CA10: variants seen among roughly 807,000 people sequenced by gnomAD.
CA10 encodes carbonic anhydrase 10 (inactive).
In CA10, 14 loss-of-function variants were observed where a neutral mutation model predicts 44.2. That is an observed-to-expected ratio of 0.32 (90% confidence interval 0.21 to 0.50). CA10 has a LOEUF of 0.50. Ranked by LOEUF, CA10 falls within the 20% of genes least tolerant of loss-of-function variation. The pLI, the probability that CA10 is intolerant of heterozygous loss-of-function variation, is 0.99. For missense variants in CA10, 350 were observed against 409.7 expected (o/e 0.85, Z 1.26); for synonymous variants, 159 against 141.6 (o/e 1.12, Z -0.87).
chr17:52,008,607 A>C (rs1985681928), intron 2 of CA10, among the ~76,000 whole-genome samples: 1 of 151,894 alleles, frequency 6.6e-6, no homozygotes, highest in Non-Finnish European at 1.5e-5. Flanking sequence ...TCATCTTGAC[A>C]ACTTACATAT....
chr17:52,011,146 TG>T (rs1335262788), intron 2 of CA10, among the ~76,000 whole-genome samples: 1 of 152,020 alleles, frequency 6.6e-6, no homozygotes, highest in African/African-American at 2.4e-5. Flanking sequence ...TTAAGAATAC[TG>T]AAATGTATGT....
chr17:51,902,943 C>G (rs1981382658), intron 3 of CA10, among the ~76,000 whole-genome samples: 1 of 152,154 alleles, frequency 6.6e-6, no homozygotes, highest in Non-Finnish European at 1.5e-5. Flanking sequence ...TGTCGTGGCT[C>G]TCAGAAGAGG....
At chr17:51,783,379 T>A (rs1450556146) in intron 3 of CA10, among the ~76,000 whole-genome samples, 1 of 152,120 alleles carries the variant, frequency 6.6e-6, no homozygotes, top group African/African-American at 2.4e-5. Context: ...AATGGCTAAA[T>A]AAAAACTCAG....
intron 3 of CA10, among the ~76,000 whole-genome samples, chr17:51,858,084 G>A (rs1328029955): frequency 1.3e-5 from 2 of 151,964 alleles, no homozygotes. Context: ...GAAACGGAAA[G>A]GAGAGAAATG....
chr17:52,019,141 T>G (rs961103367), intron 2 of CA10, among the ~76,000 whole-genome samples: 3 of 152,076 alleles, frequency 2.0e-5, no homozygotes, highest in Non-Finnish European at 2.9e-5. Context: ...CCTCTTTTCT[T>G]TATAAATTAC....
In CA10 at chr17:51,717,551, AT is replaced by A. The variant is rs1567815058; in HGVS notation, c.465+30081del. On this transcript the variant is annotated intron_variant, in intron 4 of 8. Transcript: ENST00000451037. The stretch of plus-strand genomic sequence containing the variant: ...CTGGTATATATATATATATATATAT[AT>A]ATATATATAATATTACATAAATATA... Among the ~76,000 whole-genome samples, 4 of 137,226 alleles carry A rather than the reference AT, an allele frequency of 2.9e-5. 1 individual carries two copies. Among genetic ancestry groups the A allele is most frequent in the Non-Finnish European group, 6.3e-5 (4 of 63,706 alleles). 90.0% of individuals were successfully genotyped at this position (137,226 alleles called of 152,430 possible).
intron 4 of CA10, among the ~76,000 whole-genome samples, chr17:51,699,496 T>C (rs1444719514): frequency 6.6e-6 from 1 of 152,106 alleles, no homozygotes; most frequent in Non-Finnish European, 1.5e-5. Context: ...TTCCTGCAAA[T>C]GCTTGTCTGC....
rs764825701 is a variant in CA10 at position 52,059,594 on chromosome 17, CCCA to C, written c.136+12722_136+12724del. Among the ~76,000 whole-genome samples, 11 of 152,026 alleles carry C rather than the reference CCCA, an allele frequency of 7.2e-5. No homozygotes were observed. The East Asian group carries it at 7.7e-4, about 11-fold the overall frequency. On this transcript the variant is annotated intron_variant, in intron 2 of 8. Transcript: ENST00000451037. Reference sequence around the variant, plus strand: ...GTAAATGACAAGTTAACAGGTGCAGCCCACCAACATGGCACATGTATACATATG... The same window carrying C: ...GTAAATGACAAGTTAACAGGTGCAGCCCAACATGGCACATGTATACATATG...
At chr17:52,008,740 ATG>A (rs545653660) in intron 2 of CA10, among the ~76,000 whole-genome samples, 143 of 152,028 alleles carry the variant, frequency 9.4e-4, no homozygotes, top group African/African-American at 3.1e-3. Flanking sequence ...AATTAAAAAA[ATG>A]GAACTGAAAC....
In CA10 at chr17:51,754,423, ATATATATATATATATATATATATATC is replaced by A. The variant is rs1217248569; in HGVS notation, c.280-6631_280-6606del. Among the ~76,000 whole-genome samples, 11 of 80,164 alleles carry A rather than the reference ATATATATATATATATATATATATATC, an allele frequency of 1.4e-4. 2 individuals are homozygous for A. Among genetic ancestry groups the A allele is most frequent in the African/African-American group, 4.4e-4 (11 of 25,080 alleles). The allele number at this position is 80,164 out of a possible 152,430, so 52.6% of individuals were successfully genotyped here. ...GTGATATATATATATATATATATATATATATATATATATATATATATATATCACGTAAAATAAAGAGATTTTAAGAA... is the reference window on the plus strand; with the variant it reads ...GTGATATATATATATATATATATATAACGTAAAATAAAGAGATTTTAAGAA... On this transcript the variant is annotated intron_variant, in intron 3 of 8. Coordinates refer to ENST00000451037, the MANE Select transcript of CA10 (RefSeq NM_020178.5).
intron 1 of CA10, among the ~76,000 whole-genome samples, chr17:52,098,838 A>G (rs1218642500): frequency 6.6e-6 from 1 of 152,174 alleles, no homozygotes; most frequent in Non-Finnish European, 1.5e-5. Context: ...CCAGGGAGCT[A>G]AGGCTCTAAG....
chr17:52,124,273 A>C (rs1989072371), intron 1 of CA10, among the ~76,000 whole-genome samples: 1 of 152,168 alleles, frequency 6.6e-6, no homozygotes, highest in Non-Finnish European at 1.5e-5. Flanking sequence ...CCTCATAACA[A>C]TTCTATGAAG....
chr17:51,749,601 G>A (rs1246050942), intron 3 of CA10, among the ~76,000 whole-genome samples: 1 of 152,220 alleles, frequency 6.6e-6, no homozygotes, highest in East Asian at 1.9e-4. Flanking sequence ...AAATTTTGGG[G>A]TGGTTTGTTA....
At chr17:52,066,462 T>A (rs756616395) in intron 2 of CA10, among the ~76,000 whole-genome samples, 2 of 152,192 alleles carry the variant, frequency 1.3e-5, no homozygotes, top group Admixed American at 6.5e-5. Flanking sequence ...GATAATTGAA[T>A]CATGGGTGCA....
At chr17:51,833,284 G>A (rs888254879) in intron 3 of CA10, among the ~76,000 whole-genome samples, 1 of 152,178 alleles carries the variant, frequency 6.6e-6, no homozygotes, top group Non-Finnish European at 1.5e-5. Context: ...CTGGAGGCCA[G>A]GATAAACCAA....
At chr17:51,995,245 G>A (rs1985191655) in intron 2 of CA10, among the ~76,000 whole-genome samples, 2 of 151,908 alleles carry the variant, frequency 1.3e-5, no homozygotes, top group African/African-American at 4.8e-5. Context: ...AAACAACCAA[G>A]AGAAATAAAA....
At chr17:52,048,308 C>G (rs1986969371) in intron 2 of CA10, among the ~76,000 whole-genome samples, 1 of 152,002 alleles carries the variant, frequency 6.6e-6, no homozygotes, top group Non-Finnish European at 1.5e-5. Flanking sequence ...CAGTGCTCTG[C>G]AGGTACTAAT....
chr17:51,922,394 A>G (rs572391511), intron 3 of CA10, among the ~76,000 whole-genome samples: 2 of 152,104 alleles, frequency 1.3e-5, no homozygotes, highest in African/African-American at 2.4e-5. Context: ...TTCTCTCCCA[A>G]ATGGAGGTAT....
At chr17:52,155,605 A>C (rs1456986527) in intron 1 of CA10, among the ~76,000 whole-genome samples, 1 of 152,234 alleles carries the variant, frequency 6.6e-6, no homozygotes, top group Non-Finnish European at 1.5e-5. Flanking sequence ...ACCATGGAGA[A>C]GAAATGGCCT....
Sources: allele counts gnomAD v4.1 joint callset (sites outside exome capture counted in the v4.1 genomes callset), GRCh38; gene constraint gnomAD v4.1.1; transcripts MANE v1.5; gene names NCBI Gene and HGNC (gene_info 2026-07-23, HGNC 2026-07-21).